CNTN3: variants seen among roughly 807,000 people sequenced by gnomAD.
CNTN3 encodes contactin 3.
Under a neutral mutation model 119.1 loss-of-function variants are expected in CNTN3, and 60 were observed. The observed-to-expected ratio is 0.50, with a 90% CI of 0.41 to 0.62. The LOEUF (loss-of-function observed/expected upper bound fraction) is 0.62. Among genes scored for constraint, CNTN3 ranks in the 20% least tolerant of loss-of-function variants. CNTN3 has a pLI of 0.00. For missense variants in CNTN3, 1,101 were observed against 1,242.4 expected (o/e 0.89, Z 1.71); for synonymous variants, 450 against 438.7 (o/e 1.03, Z -0.32).
intron 5 of CNTN3, among the ~76,000 whole-genome samples, chr3:74,414,622 C>A (rs1241832797): frequency 1.3e-5 from 2 of 152,108 alleles, no homozygotes. Context: ...AAACAAGCCC[C>A]CTAAATGAGC....
At chr3:74,602,127 A>C (rs1387852433) in intron 1 of CNTN3, among the ~76,000 whole-genome samples, 1 of 151,712 alleles carries the variant, frequency 6.6e-6, no homozygotes, top group South Asian at 2.1e-4. Flanking sequence ...CTGGAAGTAC[A>C]AAAAATTAAA....
At chr3:74,487,159 T>G (rs1285651236) in intron 3 of CNTN3, among the ~76,000 whole-genome samples, 1 of 152,160 alleles carries the variant, frequency 6.6e-6, no homozygotes, top group African/African-American at 2.4e-5. Flanking sequence ...ATTTACAAAA[T>G]GGTACACTGT....
chr3:74,459,707 T>C (rs1702331357), intron 4 of CNTN3, among the ~76,000 whole-genome samples: 3 of 151,986 alleles, frequency 2.0e-5, no homozygotes. Flanking sequence ...CCAGTAGTTA[T>C]CAGTTAAAAT....
chr3:74,353,549 G>T (rs1422825329), intron 11 of CNTN3, among the ~76,000 whole-genome samples: 1 of 152,188 alleles, frequency 6.6e-6, no homozygotes, highest in East Asian at 1.9e-4. Context: ...GAGGTCAGGA[G>T]ATCGAGACCA....
At chr3:74,402,638 C>A (rs2106852753) in intron 5 of CNTN3, among the ~76,000 whole-genome samples, 1 of 152,154 alleles carries the variant, frequency 6.6e-6, no homozygotes, top group African/African-American at 2.4e-5. Context: ...TAGCAAAGCC[C>A]TAATTTTTAT....
intron 4 of CNTN3, among the ~76,000 whole-genome samples, chr3:74,425,872 C>G (rs925133903): frequency 2.0e-5 from 3 of 151,992 alleles, no homozygotes; most frequent in Admixed American, 2.0e-4. Flanking sequence ...TGAAAATTAC[C>G]AAGTACATAG....
chr3:74,482,769 G>A (rs775886149), intron 4 of CNTN3, among the ~76,000 whole-genome samples: 6 of 152,132 alleles, frequency 3.9e-5, no homozygotes, highest in Non-Finnish European at 8.8e-5. Flanking sequence ...CCATTTGCCT[G>A]CAGCAAAGAC....
At position 74,486,660 on chromosome 3, in the gene CNTN3, C is replaced by G. The variant is rs189919724; in HGVS notation, c.183-29G>C. ...TAAAACAAATATCAAGGTTCCCCCC[C>G]CTTAGTATTTTTAACTTAAAAGAAG... On this transcript the variant is annotated intron_variant, in intron 3 of 22. Coordinates refer to ENST00000263665, the MANE Select transcript of CNTN3 (RefSeq NM_020872.3). 495 of 1,484,616 alleles carry G rather than the reference C, an allele frequency of 3.3e-4. 1 individual carries two copies. The highest frequency in any genetic ancestry group is 3.8e-4 in the East Asian group (15 of 39,738). The allele number at this position is 1,484,616 out of a possible 1,614,324, so 92.0% of individuals were successfully genotyped here.
chr3:74,321,344 T>TA (rs897619642), intron 13 of CNTN3, among the ~76,000 whole-genome samples: 3 of 152,114 alleles, frequency 2.0e-5, no homozygotes, highest in South Asian at 4.1e-4. Flanking sequence ...GGTTTTAAAT[T>TA]AAAAAAAGAT....
chr3:74,279,902 G>A (rs1198286726), intron 20 of CNTN3, among the ~76,000 whole-genome samples: 1 of 152,028 alleles, frequency 6.6e-6, no homozygotes, highest in African/African-American at 2.4e-5. Flanking sequence ...GGGGATAAGT[G>A]GAGATTAACA....
At chr3:74,325,889 C>A (rs545020075) in intron 13 of CNTN3, among the ~76,000 whole-genome samples, 2 of 152,074 alleles carry the variant, frequency 1.3e-5, no homozygotes, top group African/African-American at 2.4e-5. Context: ...TGAGCTAATA[C>A]CCCCAGAATA....
At chr3:74,549,803 T>C (rs1703963805) in intron 1 of CNTN3, among the ~76,000 whole-genome samples, 1 of 152,172 alleles carries the variant, frequency 6.6e-6, no homozygotes, top group Non-Finnish European at 1.5e-5. Context: ...GACGCTATGG[T>C]ATTAGAACTA....
At chr3:74,301,251 T>C in intron 16 of CNTN3, 147 bp downstream of exon 16, 3 of 777,376 alleles carry the variant, frequency 3.9e-6, no homozygotes, top group Admixed American at 4.9e-5. Flanking sequence ...ACAAATGCCA[T>C]ATGGCCAGTT....
intron 1 of CNTN3, among the ~76,000 whole-genome samples, chr3:74,600,688 A>C (rs966805337): frequency 2.0e-5 from 3 of 152,102 alleles, no homozygotes; most frequent in Non-Finnish European, 2.9e-5. Flanking sequence ...AATAACATTC[A>C]AGTAGTCAAC....
intron 4 of CNTN3, among the ~76,000 whole-genome samples, chr3:74,442,962 C>T (rs1394698727): frequency 3.3e-5 from 5 of 152,198 alleles, no homozygotes; most frequent in Non-Finnish European, 5.9e-5. Flanking sequence ...AAACAATATG[C>T]TTATAGATTC....
chr3:74,491,587 A>G (rs1395557973), intron 3 of CNTN3, among the ~76,000 whole-genome samples: 2 of 152,172 alleles, frequency 1.3e-5, no homozygotes, highest in Non-Finnish European at 2.9e-5. Context: ...TATGTGTCCA[A>G]TAAATCTTCA....
At position 74,517,526 on chromosome 3, in the gene CNTN3, T is replaced by C. The variant is rs187559495; in HGVS notation, c.55+3532A>G. On this transcript the variant is annotated intron_variant, in intron 2 of 22. Transcript: ENST00000263665. ...GTACATGTCAGTAAGTATAATTCAG[T>C]TTTATCAAAGTATTACGGACCTCAA... 1.0e-3 allele frequency among the ~76,000 whole-genome samples: 158 copies of C among 151,964 alleles called. 1 individual carries two copies. The highest frequency in any genetic ancestry group is 3.6e-3 in the African/African-American group (150 of 41,498).
intron 1 of CNTN3, among the ~76,000 whole-genome samples, chr3:74,596,284 G>A (rs554146474): frequency 2.2e-4 from 33 of 152,140 alleles, no homozygotes; most frequent in South Asian, 4.2e-4. Context: ...TAGATTCAAC[G>A]CCATCCCCAT....
intron 2 of CNTN3, among the ~76,000 whole-genome samples, chr3:74,515,368 T>C (rs550908783): frequency 1.3e-5 from 2 of 152,054 alleles, no homozygotes; most frequent in East Asian, 3.9e-4. Context: ...GACTGGCAAC[T>C]GATAATCATG....
Sources: gnomAD v4.1 joint callset for allele counts (sites outside exome capture counted in the v4.1 genomes callset) on GRCh38, gnomAD v4.1.1 for gene constraint, MANE v1.5 for transcripts, NCBI Gene and HGNC (gene_info 2026-07-23, HGNC 2026-07-21) for gene names.